The following DPYD variants were observed in gnomAD, a reference collection of about 807,000 sequenced individuals.
The protein encoded by DPYD is dihydropyrimidine dehydrogenase [NADP(+)].
DPYD carries 109 observed loss-of-function variants against 116.2 expected under a neutral mutation model. That is an observed-to-expected ratio of 0.94 (90% confidence interval 0.80 to 1.10). DPYD has a LOEUF of 1.10. DPYD is among the 50% of genes least tolerant of loss of function. The pLI, the probability that DPYD is intolerant of heterozygous loss-of-function variation, is 0.00. For synonymous variants in DPYD, 440 were observed against 432.0 expected, an observed-to-expected ratio of 1.02 and a Z score of -0.23; for missense variants, 1,302 against 1,254.5, an observed-to-expected ratio of 1.04 and a Z score of -0.57.
rs530613143 is a variant in DPYD, at chr1:97,133,947, T to C, written c.2623-35315A>G. On this transcript the variant is annotated intron_variant, in intron 20 of 22. Coordinates refer to ENST00000370192, the MANE Select transcript of DPYD (RefSeq NM_000110.4). ...CCGGGAGGTGGAGGTTGCAGTGAGCTGAGATCACGCCACTGTACTCCAGCC... is the reference window on the plus strand; with the variant it reads ...CCGGGAGGTGGAGGTTGCAGTGAGCCGAGATCACGCCACTGTACTCCAGCC... Among the ~76,000 whole-genome samples the C allele has an allele frequency of 3.7e-3, 511 of 139,454 alleles. 5 individuals carry two copies. Among genetic ancestry groups the C allele is most frequent in the Non-Finnish European group, 4.9e-3 (322 of 65,170 alleles). The allele number at this position is 139,454 out of a possible 152,430, so 91.5% of individuals were successfully genotyped here.
intron 3 of DPYD, among the ~76,000 whole-genome samples, chr1:97,757,529 A>C (rs1665315761): frequency 6.6e-6 from 1 of 152,172 alleles, no homozygotes. Flanking sequence ...TGCTTTTTGA[A>C]TAAATAAATA....
intron 10 of DPYD, among the ~76,000 whole-genome samples, chr1:97,582,796 A>C (rs1281074502): frequency 6.6e-6 from 1 of 152,230 alleles, no homozygotes; most frequent in African/African-American, 2.4e-5. Flanking sequence ...GTTGTACTAC[A>C]CATTGGATAA....
intron 2 of DPYD, among the ~76,000 whole-genome samples, chr1:97,860,967 G>A (rs1388433404): frequency 6.6e-6 from 1 of 151,900 alleles, no homozygotes; most frequent in East Asian, 1.9e-4. Context: ...AGCTAAATAA[G>A]ATGAGGATGG....
At chr1:97,327,333 T>A (rs1428950278) in intron 16 of DPYD, among the ~76,000 whole-genome samples, 1 of 152,036 alleles carries the variant, frequency 6.6e-6, no homozygotes, top group Non-Finnish European at 1.5e-5. Context: ...TGCTACAGAT[T>A]AAAATCATAT....
chr1:97,803,619 A>G (rs955124925), intron 3 of DPYD, among the ~76,000 whole-genome samples: 6 of 151,866 alleles, frequency 4.0e-5, no homozygotes, highest in African/African-American at 1.2e-4. Flanking sequence ...TGACTTCTCC[A>G]ATTTTTTAAG....
chr1:97,747,936 A>C (rs955358802), intron 3 of DPYD, among the ~76,000 whole-genome samples: 4 of 152,192 alleles, frequency 2.6e-5, no homozygotes, highest in African/African-American at 9.6e-5. Context: ...TTTAAAGATT[A>C]TACCCTTATA....
chr1:97,465,836 C>T (rs1473436942), intron 13 of DPYD, among the ~76,000 whole-genome samples: 1 of 152,200 alleles, frequency 6.6e-6, no homozygotes, highest in African/African-American at 2.4e-5. Flanking sequence ...TCAAGCCCTA[C>T]TGAGGCTGTG....
chr1:97,431,036 C>A (rs11165871), intron 14 of DPYD, among the ~76,000 whole-genome samples: 4,040 of 152,064 alleles, frequency 0.027, 199 homozygotes, highest in African/African-American at 0.092. Flanking sequence ...ACCTGCAGGA[C>A]AATTAATTAA....
chr1:97,675,069 A>G (rs1186239351), intron 8 of DPYD, among the ~76,000 whole-genome samples: 1 of 152,218 alleles, frequency 6.6e-6, no homozygotes, highest in African/African-American at 2.4e-5. Flanking sequence ...ACAGGTGAAA[A>G]ACATTTTTCA....
chr1:97,566,235 C>A (rs116586066), intron 11 of DPYD, among the ~76,000 whole-genome samples: 55 of 152,298 alleles, frequency 3.6e-4, no homozygotes, highest in African/African-American at 1.3e-3. Flanking sequence ...AATGTGCATT[C>A]TTGGAGGCAA....
intron 18 of DPYD, among the ~76,000 whole-genome samples, chr1:97,296,443 C>T (rs1353737390): frequency 2.0e-5 from 3 of 151,920 alleles, no homozygotes; most frequent in African/African-American, 7.2e-5. Context: ...AAGAATAAAA[C>T]TGATGATAAA....
intron 2 of DPYD, 135 bp from the exon 3 acceptor site, chr1:97,828,331 G>A: frequency 1.4e-6 from 1 of 728,664 alleles, no homozygotes; most frequent in Non-Finnish European, 2.3e-6. Flanking sequence ...TAATTGGGTA[G>A]CATTCATTAA....
intron 3 of DPYD, among the ~76,000 whole-genome samples, chr1:97,822,858 T>C (rs767014304): frequency 6.6e-6 from 1 of 152,222 alleles, no homozygotes; most frequent in African/African-American, 2.4e-5. Flanking sequence ...TAGAGTTGAA[T>C]ATTTCCAAGG....
At chr1:97,472,392 G>C (rs550997368) in intron 13 of DPYD, among the ~76,000 whole-genome samples, 1 of 152,292 alleles carries the variant, frequency 6.6e-6, no homozygotes, top group South Asian at 2.1e-4. Flanking sequence ...CATCACTTTT[G>C]ATAGGTTCAG....
intron 2 of DPYD, among the ~76,000 whole-genome samples, chr1:97,833,079 T>A (rs1669613140): frequency 3.3e-5 from 5 of 151,776 alleles, no homozygotes. Context: ...TTTATTTCCA[T>A]GGGACTGAAT....
intron 20 of DPYD, among the ~76,000 whole-genome samples, chr1:97,167,711 G>A (rs910762678): frequency 2.0e-5 from 3 of 152,108 alleles, no homozygotes; most frequent in African/African-American, 2.4e-5. Context: ...TTTTGATAGC[G>A]TACTTGAAAG....
chr1:97,848,669 T>G (rs1298954786), intron 2 of DPYD, among the ~76,000 whole-genome samples: 1 of 152,212 alleles, frequency 6.6e-6, no homozygotes, highest in African/African-American at 2.4e-5. Flanking sequence ...GCATCACACT[T>G]ATAAAGGAAA....
chr1:97,740,326 C>G lies in DPYD; in HGVS notation c.321+66G>C, dbSNP rs552193308. ...TGCTAAGACAAGCTGTATTCTGTAC[C>G]CACAGATAATAGAGAACAAGATCAA... On this transcript the variant is annotated intron_variant, in intron 4 of 22. Transcript: ENST00000370192. The G allele has an allele frequency of 1.7e-5, 23 of 1,336,660 alleles. No homozygotes were observed. The East Asian group carries it at 5.1e-4, about 30-fold the overall frequency. The allele number at this position is 1,336,660 out of a possible 1,614,324, so 82.8% of individuals were successfully genotyped here.
intron 3 of DPYD, among the ~76,000 whole-genome samples, chr1:97,801,374 C>G (rs549475307): frequency 6.6e-6 from 1 of 151,802 alleles, no homozygotes; most frequent in Non-Finnish European, 1.5e-5. Flanking sequence ...CCAAAACTGA[C>G]CAAAACACCA....
Sources: allele counts gnomAD v4.1 joint callset (sites outside exome capture counted in the v4.1 genomes callset), GRCh38; gene constraint gnomAD v4.1.1; transcripts MANE v1.5; gene names NCBI Gene and HGNC (gene_info 2026-07-23, HGNC 2026-07-21).